Variants in FLACC1 observed in about 807,000 individuals in gnomAD.
The protein encoded by FLACC1 is flagellum associated containing coiled-coil domains 1.
Under a neutral mutation model 62.8 loss-of-function variants are expected in FLACC1, and 66 were observed. That is an observed-to-expected ratio of 1.05 (90% CI 0.86 to 1.29). The LOEUF is 1.29. Among genes scored for constraint, FLACC1 ranks in the 50% most tolerant of loss-of-function variants. The pLI, the probability that FLACC1 is intolerant of heterozygous loss-of-function variation, is 0.00. For missense variants in FLACC1, 452 were observed against 489.1 expected (o/e 0.92, Z 0.71); for synonymous variants, 156 against 161.0 (o/e 0.97, Z 0.24).
rs533527240 is a variant in FLACC1, at chr2:201,290,427, C to T, written c.943-642G>A. The stretch of plus-strand genomic sequence containing the variant: ...ATGGGAACTCTCTGTACTTTCTGCT[C>T]AATTTTTCTGTAAACCTAAAACTGC... On this transcript the variant is annotated intron_variant, in intron 12 of 14. Transcript: ENST00000392257. Among the ~76,000 whole-genome samples, 3 of 152,230 alleles carry T rather than the reference C, an allele frequency of 2.0e-5. No individual in the cohort carries two copies. In the South Asian group the frequency reaches 6.2e-4, roughly 32 times the overall value.
intron 7 of FLACC1, among the ~76,000 whole-genome samples, chr2:201,338,405 G>A (rs1031210725): frequency 1.3e-5 from 2 of 151,672 alleles, no homozygotes; most frequent in Admixed American, 6.6e-5. Context: ...TTTCTTTTGC[G>A]GGATTGCTCT....
intron 11 of FLACC1, among the ~76,000 whole-genome samples, chr2:201,303,302 C>T (rs1950028460): frequency 6.6e-6 from 1 of 152,150 alleles, no homozygotes; most frequent in Non-Finnish European, 1.5e-5. Context: ...CTATAAACAA[C>T]TCTATGCAAA....
intron 11 of FLACC1, 112 bp downstream of exon 11, chr2:201,307,407 G>A (rs1950127536): frequency 2.6e-6 from 2 of 778,098 alleles, no homozygotes; most frequent in Admixed American, 4.3e-5. Context: ...GGGAGAGGAG[G>A]ATTATGCCCA....
intron 14 of FLACC1, among the ~76,000 whole-genome samples, chr2:201,289,000 C>T (rs1262587562): frequency 6.6e-6 from 1 of 152,118 alleles, no homozygotes; most frequent in Non-Finnish European, 1.5e-5. Flanking sequence ...AAATAACTTT[C>T]TTCTATTAAA....
At chr2:201,297,924 G>A (rs1241999901) in intron 12 of FLACC1, among the ~76,000 whole-genome samples, 2 of 152,184 alleles carry the variant, frequency 1.3e-5, no homozygotes, top group Non-Finnish European at 2.9e-5. Flanking sequence ...AGTTAGTCAT[G>A]TGGATATCCG....
intron 9 of FLACC1, among the ~76,000 whole-genome samples, chr2:201,321,388 C>A (rs553604332): frequency 6.6e-6 from 1 of 152,268 alleles, no homozygotes; most frequent in Non-Finnish European, 1.5e-5. Context: ...ACTTAAGAAC[C>A]AGATCTTTCT....
intron 7 of FLACC1, among the ~76,000 whole-genome samples, chr2:201,334,512 G>A (rs562634005): frequency 1.3e-4 from 20 of 152,226 alleles, no homozygotes; most frequent in African/African-American, 3.4e-4. Flanking sequence ...GGCTGGGTGC[G>A]TTGGCTCATG....
chr2:201,289,597 C>T, intron 13 of FLACC1, 31 bp from the exon 14 acceptor site: 2 of 1,613,216 alleles, frequency 1.2e-6, no homozygotes, highest in Admixed American at 1.7e-5. Context: ...TAGCCATCTT[C>T]CCCAACCCAG....
At chr2:201,325,483 C>A (rs1950485145) in intron 9 of FLACC1, among the ~76,000 whole-genome samples, 1 of 151,912 alleles carries the variant, frequency 6.6e-6, no homozygotes, top group African/African-American at 2.4e-5. Context: ...AAATTGGAGA[C>A]ATTACAACCC....
At chr2:201,344,749 T>C (rs1950879725) in intron 5 of FLACC1, among the ~76,000 whole-genome samples, 1 of 152,176 alleles carries the variant, frequency 6.6e-6, no homozygotes, top group Non-Finnish European at 1.5e-5. Context: ...TTTTCTGTGT[T>C]TCTGGGTCTA....
At chr2:201,289,179 A>G (rs1314455256) in intron 14 of FLACC1, among the ~76,000 whole-genome samples, 1 of 152,132 alleles carries the variant, frequency 6.6e-6, no homozygotes, top group Non-Finnish European at 1.5e-5. Context: ...CATAGAACTG[A>G]GCAAACTCAG....
intron 9 of FLACC1, among the ~76,000 whole-genome samples, chr2:201,323,123 G>A (rs1950436443): frequency 6.6e-6 from 1 of 152,266 alleles, no homozygotes; most frequent in Non-Finnish European, 1.5e-5. Flanking sequence ...AGAATAACTG[G>A]TGTTCCAGAG....
chr2:201,318,842 A>C (rs1439738121), intron 9 of FLACC1, among the ~76,000 whole-genome samples: 1 of 152,252 alleles, frequency 6.6e-6, no homozygotes, highest in African/African-American at 2.4e-5. Context: ...GTAACTCAGG[A>C]ATGGAAAACC....
At chr2:201,333,019 T>G (rs1212924389) in intron 7 of FLACC1, among the ~76,000 whole-genome samples, 1 of 152,214 alleles carries the variant, frequency 6.6e-6, no homozygotes, top group Non-Finnish European at 1.5e-5. Flanking sequence ...GAATTGAACA[T>G]GGGAATACAG....
At chr2:201,310,568 C>G (rs924818180) in intron 9 of FLACC1, among the ~76,000 whole-genome samples, 2 of 152,316 alleles carry the variant, frequency 1.3e-5, no homozygotes, top group Non-Finnish European at 2.9e-5. Context: ...TAGTAAGAAT[C>G]ATGCCCTAAC....
intron 9 of FLACC1, among the ~76,000 whole-genome samples, chr2:201,316,122 C>A (rs1362559717): frequency 6.6e-6 from 1 of 151,968 alleles, no homozygotes; most frequent in Non-Finnish European, 1.5e-5. Context: ...CAAAAACAGA[C>A]AATATAAGGT....
At chr2:201,352,921 G>A (rs539358166) in intron 1 of FLACC1, among the ~76,000 whole-genome samples, 1 of 152,182 alleles carries the variant, frequency 6.6e-6, no homozygotes, top group Non-Finnish European at 1.5e-5. Flanking sequence ...CCAAGGAATC[G>A]GGGCAGCATC....
chr2:201,296,255 A>G (rs1949858591), intron 12 of FLACC1, among the ~76,000 whole-genome samples: 1 of 152,114 alleles, frequency 6.6e-6, no homozygotes, highest in Admixed American at 6.5e-5. Flanking sequence ...AAGACTTGGA[A>G]CCAACCCAAA....
chr2:201,340,065 G>T (rs773677488), intron 7 of FLACC1, among the ~76,000 whole-genome samples: 53 of 152,188 alleles, frequency 3.5e-4, no homozygotes, highest in Non-Finnish European at 1.8e-4. Flanking sequence ...GCCAGCAATG[G>T]TGGTAGCGGC....
Sources: allele counts gnomAD v4.1 joint callset (sites outside exome capture counted in the v4.1 genomes callset), GRCh38; gene constraint gnomAD v4.1.1; transcripts MANE v1.5; gene names NCBI Gene and HGNC (gene_info 2026-07-23, HGNC 2026-07-21).